GALNT15: variants seen among roughly 807,000 people sequenced by gnomAD.
GALNT15 encodes UDP-GalNAc transferase T15.
In GALNT15, 67 loss-of-function variants were observed where a neutral mutation model predicts 66.8. The ratio of observed to expected loss-of-function variants is 1.00; its 90% CI spans 0.82 to 1.23. The LOEUF is 1.23. Ranked by LOEUF, GALNT15 falls within the 50% of genes most tolerant of loss-of-function variation. The probability of loss-of-function intolerance (pLI) is 0.00; values close to 1 mark genes in which losing one functional copy is unlikely to be tolerated. For synonymous variants in GALNT15, 313 were observed against 311.5 expected, an observed-to-expected ratio of 1.00 and a Z score of -0.05; for missense variants, 827 against 804.3, an observed-to-expected ratio of 1.03 and a Z score of -0.34.
At chr3:16,241,751 T>G in the GALNT15 span, among the ~76,000 whole-genome samples, 1 of 152,200 alleles carries the variant, frequency 6.6e-6, no homozygotes, top group African/African-American at 2.4e-5. The surrounding 1 kb of genome is among the most constrained non-coding windows in gnomAD (Gnocchi z 4.6). Flanking sequence ...TTTCACCTTG[T>G]AGGCTAGGCT....
downstream of GALNT15, among the ~76,000 whole-genome samples, chr3:16,233,307 C>G (rs530487051): frequency 5.4e-4 from 82 of 151,814 alleles, no homozygotes; most frequent in African/African-American, 1.9e-3. Context: ...GTTGGCCAGT[C>G]TGGTCTTGAA....
chr3:16,232,512 T>TATATATATATATATATATATA (rs56354612), downstream of GALNT15, among the ~76,000 whole-genome samples: 20 of 40,184 alleles, frequency 5.0e-4, 5 homozygotes, highest in South Asian at 3.2e-3. Flanking sequence ...ATATATATAT[T>TATATATATATATATATATATA]TATTTAAAAG....
intron 1 of GALNT15, among the ~76,000 whole-genome samples, chr3:16,190,704 TG>T (rs2063567744): frequency 6.6e-6 from 1 of 151,522 alleles, no homozygotes; most frequent in African/African-American, 2.4e-5. Context: ...TAACAGGCCC[TG>T]AGACACAAGA....
chr3:16,238,376 T>A, the GALNT15 span, among the ~76,000 whole-genome samples: 1 of 152,192 alleles, frequency 6.6e-6, no homozygotes, highest in Non-Finnish European at 1.5e-5. This position sits in a 1 kb window ranked among gnomAD's most constrained non-coding sequence, Gnocchi z 4.8. Flanking sequence ...CACATACTAT[T>A]ACTATGATAA....
At chr3:16,201,245 G>C (rs951344618) in intron 3 of GALNT15, among the ~76,000 whole-genome samples, 6 of 151,930 alleles carry the variant, frequency 3.9e-5, no homozygotes, top group Non-Finnish European at 8.8e-5. Flanking sequence ...GCAGCGGGGC[G>C]ATCTCGGCTC....
At position 16,187,832 on chromosome 3, in the gene GALNT15, G is replaced by C. The variant is rs1038086692; in HGVS notation, c.540-7928G>C. On this transcript the variant is annotated intron_variant, in intron 1 of 9. Transcript: ENST00000339732. This position sits in a 1 kb window ranked among gnomAD's most constrained non-coding sequence, Gnocchi z 5.1. ...GCTAAAGCACAGCACCTGGTACATA[G>C]GACTCCTCATGAAGTGGTGGCTATG... Among the ~76,000 whole-genome samples, 2 of 152,176 alleles carry C rather than the reference G, an allele frequency of 1.3e-5. No homozygotes were observed. Among genetic ancestry groups the C allele is most frequent in the Admixed American group, 6.5e-5 (1 of 15,276 alleles).
At position 16,219,412 on chromosome 3, in the gene GALNT15, C is replaced by T. The variant is rs1352946464; in HGVS notation, c.1402C>T (p.Pro468Ser). 6.2e-7 allele frequency: 1 copy of T among 1,613,992 alleles called. No homozygotes were observed. The highest frequency in any genetic ancestry group is 8.5e-7 in the Non-Finnish European group (1 of 1,179,948). Residue 468 changes from proline to serine, a missense_variant, in exon 7 of 10, where the codon CCA becomes TCA. Coordinates refer to ENST00000339732, the MANE Select transcript of GALNT15 (RefSeq NM_054110.5). The surrounding 1 kb of genome is among the most constrained non-coding windows in gnomAD (Gnocchi z 4.3). ...TCTTTCTCCTCCCCAGGCTGAGAAG[C>T]CAGACTGCATGGAACGCTTGCAGCT... ...EAFSLSKAEK[P>S]DCMERLQLQR...
rs1413050688 is a variant in GALNT15, at chr3:16,227,504, T to C, written c.*4T>C. On this transcript the variant is annotated 3_prime_UTR_variant, in exon 10 of 10. Coordinates refer to ENST00000339732, the MANE Select transcript of GALNT15 (RefSeq NM_054110.5). This position sits in a 1 kb window ranked among gnomAD's most constrained non-coding sequence, Gnocchi z 4.5. ...CAATGCTGTGGATGAACGATGAATGTCAATGTCAGAAGGAAAAGAGAATTT... is the reference window on the plus strand; with the variant it reads ...CAATGCTGTGGATGAACGATGAATGCCAATGTCAGAAGGAAAAGAGAATTT... 49 of 1,614,016 alleles carry C rather than the reference T, an allele frequency of 3.0e-5. No individual in the cohort carries two copies. The highest frequency in any genetic ancestry group is 3.7e-5 in the Non-Finnish European group (44 of 1,180,016).
Position 16,184,766 on chromosome 3 carries a change from GGCA to G in GALNT15, c.539+9079_539+9081del, listed in dbSNP as rs781624491. On this transcript the variant is annotated intron_variant, in intron 1 of 9. Coordinates refer to ENST00000339732, the MANE Select transcript of GALNT15 (RefSeq NM_054110.5). This position sits in a 1 kb window ranked among gnomAD's most constrained non-coding sequence, Gnocchi z 5.0. ...ATGCCTGAGAGAGGCATGTGTTCAAGGCAGCTACCTCTGTGGGCAGCTGGAGCT... is the reference window on the plus strand; with the variant it reads ...ATGCCTGAGAGAGGCATGTGTTCAAGGCTACCTCTGTGGGCAGCTGGAGCT... 2.6e-5 allele frequency among the ~76,000 whole-genome samples: 4 copies of G among 152,206 alleles called. No homozygotes were observed. The highest frequency in any genetic ancestry group is 1.3e-4 in the Admixed American group (2 of 15,286).
chr3:16,245,113 G>A, the GALNT15 span, among the ~76,000 whole-genome samples: 1 of 152,184 alleles, frequency 6.6e-6, no homozygotes, highest in Non-Finnish European at 1.5e-5. Context: ...CCAGTGGATG[G>A]ATGTCTGGCC....
Position 16,224,902 on chromosome 3 carries a change from G to T in GALNT15, c.1773+2144G>T, listed in dbSNP as rs1332354690. Among the ~76,000 whole-genome samples, 2 of 152,106 alleles carry T rather than the reference G, an allele frequency of 1.3e-5. No homozygotes were observed. The highest frequency in any genetic ancestry group is 4.8e-5 in the African/African-American group (2 of 41,412). On this transcript the variant is annotated intron_variant, in intron 9 of 9. Transcript: ENST00000339732. The surrounding 1 kb of genome is among the most constrained non-coding windows in gnomAD (Gnocchi z 5.2). Reference sequence around the variant, plus strand: ...TCTGCCTGCCTCGGCCTCCCAAAGTGCTGGGATTACAAGTGTGAGCCACCA... The same window carrying T: ...TCTGCCTGCCTCGGCCTCCCAAAGTTCTGGGATTACAAGTGTGAGCCACCA...
rs777054162 is a variant in GALNT15, at chr3:16,203,539, TCTCTCACACACACA to T, written c.911+2718_911+2731del. Among the ~76,000 whole-genome samples the T allele has an allele frequency of 7.5e-5, 4 of 53,312 alleles. No homozygotes were observed. In the East Asian group the frequency reaches 3.0e-3, roughly 40 times the overall value. 35.0% of individuals were successfully genotyped at this position (53,312 alleles called of 152,430 possible). ...CACTCATTCTCTCTCTCTCTCTCTC[TCTCTCACACACACA>T]CACACACACACACACACACACACAC... On this transcript the variant is annotated intron_variant, in intron 3 of 9. Transcript: ENST00000339732. This position sits in a 1 kb window ranked among gnomAD's most constrained non-coding sequence, Gnocchi z 6.2.
intron 1 of GALNT15, among the ~76,000 whole-genome samples, chr3:16,178,745 G>A (rs943162668): frequency 3.3e-5 from 5 of 152,344 alleles, no homozygotes; most frequent in South Asian, 4.1e-4. Context: ...CAACACAGAA[G>A]AGAAACAGGC....
chr3:16,215,916 A>ACAAAAAAAAAAAAAAAAAAAC (rs1553687147), intron 6 of GALNT15, among the ~76,000 whole-genome samples: 1 of 143,454 alleles, frequency 7.0e-6, no homozygotes, highest in African/African-American at 2.6e-5. Context: ...CAAAAAAAAA[A>ACAAAAAAAAAAAAAAAAAAAC]AAAAAAAAAG....
Position 16,211,245 on chromosome 3 carries a change from T to C in GALNT15, c.1197+4T>C, listed in dbSNP as rs1255640955. 2 of 1,583,166 alleles carry C rather than the reference T, an allele frequency of 1.3e-6. No homozygotes were observed. Among genetic ancestry groups the C allele is most frequent in the Non-Finnish European group, 1.7e-6 (2 of 1,151,684 alleles). ...AAACCTCGAACTGTCTTTCAAGGTA[T>C]GTCCTGGACCAAGGGAGGACAGAGG... is the stretch of plus-strand genomic sequence containing the variant. On this transcript the variant is annotated splice_donor_region_variant and intron_variant, in intron 5 of 9. Transcript: ENST00000339732. This position sits in a 1 kb window ranked among gnomAD's most constrained non-coding sequence, Gnocchi z 4.3.
intron 6 of GALNT15, among the ~76,000 whole-genome samples, chr3:16,214,620 A>G (rs2063853554): frequency 6.6e-6 from 1 of 152,066 alleles, no homozygotes; most frequent in Non-Finnish European, 1.5e-5. Context: ...GGGGACAGAG[A>G]ACCATACCCA....
In GALNT15 at chr3:16,195,863, C is replaced by G. The variant is rs1312721651; in HGVS notation, c.643C>G (p.Leu215Val). ...STLLRTVHSILDTVPRAFLKE... is the reference protein window; with the variant it reads ...STLLRTVHSIVDTVPRAFLKE... The stretch of plus-strand genomic sequence containing the variant: ...TCTCCTGCGGACTGTACACAGCATC[C>G]TCGACACAGTGCCCAGGGCCTTCCT... The change falls in exon 2 of 10, where the codon CTC becomes GTC. Residue 215 changes from leucine (L) to valine (V), a missense_variant. Coordinates refer to ENST00000339732, the MANE Select transcript of GALNT15 (RefSeq NM_054110.5). This position sits in a 1 kb window ranked among gnomAD's most constrained non-coding sequence, Gnocchi z 4.6. The G allele has an allele frequency of 3.1e-6, 5 of 1,614,168 alleles. No homozygotes were observed. Among genetic ancestry groups the G allele is most frequent in the Non-Finnish European group, 4.2e-6 (5 of 1,180,026 alleles).
chr3:16,175,652 C>T lies in GALNT15; in HGVS notation c.501C>T (p.Ile167=). The T allele has an allele frequency of 6.2e-7, 1 of 1,610,328 alleles. No homozygotes were observed. Among genetic ancestry groups the T allele is most frequent in the Non-Finnish European group, 8.5e-7 (1 of 1,178,526 alleles). Residue 167 remains isoleucine, a synonymous_variant, in exon 1 of 10, where the codon ATC becomes ATT. Coordinates refer to ENST00000339732, the MANE Select transcript of GALNT15 (RefSeq NM_054110.5). This position sits in a 1 kb window ranked among gnomAD's most constrained non-coding sequence, Gnocchi z 5.6. ...TCCAGGAGGCACTCAGTGCCCGCAT[C>T]CCCCTCCAGAGGGCTCTGCCCGAGG... is the stretch of plus-strand genomic sequence containing the variant. ...RGLQEALSAR[I]PLQRALPEVR...
rs1460256029 is a variant in GALNT15, at chr3:16,200,185, C to G, written c.707-434C>G. Among the ~76,000 whole-genome samples the G allele has an allele frequency of 6.6e-6, 1 of 152,096 alleles. No individual in the cohort carries two copies. On this transcript the variant is annotated intron_variant, in intron 2 of 9. Transcript: ENST00000339732. This position sits in a 1 kb window ranked among gnomAD's most constrained non-coding sequence, Gnocchi z 4.4. ...ATCAGATCTCATGAGAACTCACTATCACGAGAACAGCATGGGGGAAACTGC... is the reference window on the plus strand; with the variant it reads ...ATCAGATCTCATGAGAACTCACTATGACGAGAACAGCATGGGGGAAACTGC...
Sources: allele counts gnomAD v4.1 joint callset (sites outside exome capture counted in the v4.1 genomes callset), GRCh38; gene constraint gnomAD v4.1.1; non-coding constraint Gnocchi (gnomAD v3.1); transcripts MANE v1.5; gene names NCBI Gene and HGNC (gene_info 2026-07-23, HGNC 2026-07-21).